FARS2: variants seen among roughly 807,000 people sequenced by gnomAD.
The protein encoded by FARS2 is phenylalanyl-tRNA synthetase 2, mitochondrial.
Under a neutral mutation model 46.4 loss-of-function variants are expected in FARS2, and 40 were observed. The ratio of observed to expected loss-of-function variants is 0.86; its 90% CI spans 0.67 to 1.12. The LOEUF is 1.12. FARS2 is among the 50% of genes most tolerant of loss of function. The pLI, the probability that FARS2 is intolerant of heterozygous loss-of-function variation, is 0.00. For missense variants in FARS2, 513 were observed against 567.9 expected, an observed-to-expected ratio of 0.90 and a Z score of 0.98; for synonymous variants, 234 against 214.9, an observed-to-expected ratio of 1.09 and a Z score of -0.78.
chr6:5,366,299 G>C (rs940028437), intron 1 of FARS2, among the ~76,000 whole-genome samples: 2 of 152,174 alleles, frequency 1.3e-5, no homozygotes, highest in Non-Finnish European at 2.9e-5. Flanking sequence ...TGTATTAATA[G>C]AAGTATGAAT....
intron 4 of FARS2, among the ~76,000 whole-genome samples, chr6:5,506,771 C>A (rs1438121066): frequency 1.3e-5 from 2 of 152,200 alleles, no homozygotes; most frequent in Non-Finnish European, 2.9e-5. Flanking sequence ...ATCACTGAGG[C>A]ATTCATGAAA....
At chr6:5,440,152 A>G (rs563299655) in intron 4 of FARS2, among the ~76,000 whole-genome samples, 16 of 152,238 alleles carry the variant, frequency 1.1e-4, no homozygotes, top group Non-Finnish European at 1.9e-4. Context: ...AAGTAATTCC[A>G]TGATCCTACA....
At chr6:5,725,680 A>G (rs966135117) in intron 6 of FARS2, among the ~76,000 whole-genome samples, 2 of 152,232 alleles carry the variant, frequency 1.3e-5, no homozygotes, top group Non-Finnish European at 2.9e-5. Context: ...TCACACCTGT[A>G]ATCCCAGCAC....
chr6:5,336,014 CCA>C (rs2127584638), intron 1 of FARS2, among the ~76,000 whole-genome samples: 1 of 152,232 alleles, frequency 6.6e-6, no homozygotes, highest in African/African-American at 2.4e-5. Context: ...CCCCACTTGC[CCA>C]CTGTCTTTCT....
At chr6:5,304,733 T>G (rs111500462) in intron 1 of FARS2, among the ~76,000 whole-genome samples, 2 of 152,234 alleles carry the variant, frequency 1.3e-5, no homozygotes, top group African/African-American at 2.4e-5. Context: ...TTAATAGGAA[T>G]GTACTAGGTG....
intron 4 of FARS2, among the ~76,000 whole-genome samples, chr6:5,535,560 A>T (rs948456409): frequency 6.6e-6 from 1 of 152,200 alleles, no homozygotes; most frequent in Non-Finnish European, 1.5e-5. Context: ...AGTAGCGGTG[A>T]CTGTGAGCAT....
Position 5,720,894 on chromosome 6 carries a change from T to A in FARS2, c.1218-50397T>A, listed in dbSNP as rs189966043. Among the ~76,000 whole-genome samples, 209 of 151,768 alleles carry A rather than the reference T, an allele frequency of 1.4e-3. 2 individuals carry two copies. In the East Asian group the frequency reaches 0.015, roughly 11 times the overall value. On this transcript the variant is annotated intron_variant, in intron 6 of 6. Coordinates refer to ENST00000274680, the MANE Select transcript of FARS2 (RefSeq NM_006567.5). ...AGACCCCCATCACTACAAAAAAAAATTTTTTTTAATTAGCTGTGCTAGGTA... is the reference window on the plus strand; with the variant it reads ...AGACCCCCATCACTACAAAAAAAAAATTTTTTTAATTAGCTGTGCTAGGTA...
Position 5,431,188 on chromosome 6 carries a change from A to C in FARS2, c.904+16A>C, listed in dbSNP as rs767156316. On this transcript the variant is annotated intron_variant, in intron 4 of 6. Transcript: ENST00000274680. ...GTCAATTCAGGTAAAAAAGAATCCC[A>C]CATTTTATTTACACGTGCTCTAAAG... 4 of 1,612,894 alleles carry C rather than the reference A, an allele frequency of 2.5e-6. No homozygotes were observed. Among genetic ancestry groups the C allele is most frequent in the Admixed American group, 3.3e-5 (2 of 59,958 alleles).
chr6:5,310,566 G>A (rs1360005760), intron 1 of FARS2, among the ~76,000 whole-genome samples: 1 of 151,956 alleles, frequency 6.6e-6, no homozygotes, highest in Non-Finnish European at 1.5e-5. Flanking sequence ...ACATTTTTTT[G>A]TGTGTGTGCG....
At chr6:5,256,600 T>C (rs1382770387), upstream of FARS2, among the ~76,000 whole-genome samples, 1 of 148,286 alleles carries the variant, frequency 6.7e-6, no homozygotes, top group African/African-American at 2.5e-5. Flanking sequence ...ATTATGACTC[T>C]CATTTTATAA....
upstream of FARS2, chr6:5,260,892 G>A: frequency 7.1e-7 from 1 of 1,403,566 alleles, no homozygotes; most frequent in Non-Finnish European, 9.2e-7. Flanking sequence ...GCAGCCCTGC[G>A]GATCGCGGAC....
chr6:5,526,882 G>T (rs1190863506), intron 4 of FARS2, among the ~76,000 whole-genome samples: 3 of 152,150 alleles, frequency 2.0e-5, no homozygotes, highest in Non-Finnish European at 4.4e-5. Flanking sequence ...CTCCCAAAGT[G>T]CTGGGATTAC....
the FARS2 span, among the ~76,000 whole-genome samples, chr6:5,250,042 A>T: frequency 6.6e-6 from 1 of 152,352 alleles, no homozygotes; most frequent in East Asian, 1.9e-4. Context: ...TCCTACTGCA[A>T]CAAAGAATAA....
chr6:5,632,057 C>G (rs990487039), intron 6 of FARS2, among the ~76,000 whole-genome samples: 2 of 152,162 alleles, frequency 1.3e-5, no homozygotes, highest in African/African-American at 2.4e-5. Flanking sequence ...TAATTTCAAA[C>G]TTTGTATTTG....
intron 5 of FARS2, among the ~76,000 whole-genome samples, chr6:5,550,879 A>C (rs1353761008): frequency 6.6e-6 from 1 of 152,084 alleles, no homozygotes; most frequent in East Asian, 1.9e-4. Context: ...CATATGCTTA[A>C]TTTCTTCAAA....
rs562357721 is a variant in FARS2 at position 5,701,182 on chromosome 6, A to C, written c.1218-70109A>C. On this transcript the variant is annotated intron_variant, in intron 6 of 6. Coordinates refer to ENST00000274680, the MANE Select transcript of FARS2 (RefSeq NM_006567.5). The stretch of plus-strand genomic sequence containing the variant: ...ACCGTGGGCGCCAGCCTTGGGAGGC[A>C]CAGGATCCGCTAAGTCGTCGGGATT... Among the ~76,000 whole-genome samples, 71 of 152,380 alleles carry C rather than the reference A, an allele frequency of 4.7e-4. 1 individual carries two copies. The highest frequency in any genetic ancestry group is 1.4e-3 in the South Asian group (7 of 4,832).
At chr6:5,659,678 C>T (rs187922098) in intron 6 of FARS2, among the ~76,000 whole-genome samples, 163 of 152,308 alleles carry the variant, frequency 1.1e-3, no homozygotes, top group Non-Finnish European at 1.8e-3. Context: ...ACAACAGAGT[C>T]ACTTAAATGC....
chr6:5,459,762 T>G (rs1562056908), intron 4 of FARS2, among the ~76,000 whole-genome samples: 1 of 152,232 alleles, frequency 6.6e-6, no homozygotes, highest in Non-Finnish European at 1.5e-5. Flanking sequence ...GTCTCCTGTA[T>G]GCCTTTCCCT....
At chr6:5,278,652 T>C (rs1766505187) in intron 1 of FARS2, among the ~76,000 whole-genome samples, 1 of 152,216 alleles carries the variant, frequency 6.6e-6, no homozygotes, top group Admixed American at 6.5e-5. Flanking sequence ...TAGTTAGCAA[T>C]GGTCTTTTCT....
Sources: allele counts gnomAD v4.1 joint callset (sites outside exome capture counted in the v4.1 genomes callset), GRCh38; gene constraint gnomAD v4.1.1; transcripts MANE v1.5; gene names NCBI Gene and HGNC (gene_info 2026-07-23, HGNC 2026-07-21).